Variants in TMEM163 observed in about 807,000 individuals in gnomAD.
TMEM163 encodes transmembrane protein 163.
Under a neutral mutation model 29.3 loss-of-function variants are expected in TMEM163, and 17 were observed. The observed-to-expected ratio is 0.58, with a 90% CI of 0.40 to 0.87. The LOEUF is 0.87. Among genes scored for constraint, TMEM163 ranks in the 40% least tolerant of loss-of-function variants. The pLI is 0.00. For synonymous variants in TMEM163, 157 were observed against 160.6 expected (o/e 0.98, Z 0.17); for missense variants, 303 against 381.5 (o/e 0.79, Z 1.71).
intron 4 of TMEM163, among the ~76,000 whole-genome samples, chr2:134,508,227 G>C (rs1159078180): frequency 6.6e-6 from 1 of 152,190 alleles, no homozygotes; most frequent in Non-Finnish European, 1.5e-5. Flanking sequence ...CCAAACAAGA[G>C]AAGCTTCTCC....
At chr2:134,689,992 G>A (rs764158321) in intron 2 of TMEM163, among the ~76,000 whole-genome samples, 1 of 152,104 alleles carries the variant, frequency 6.6e-6, no homozygotes, top group African/African-American at 2.4e-5. Context: ...ATGCAGTGGT[G>A]TGATCTCGGC....
At chr2:134,598,355 A>T (rs1682140575) in intron 2 of TMEM163, among the ~76,000 whole-genome samples, 1 of 152,214 alleles carries the variant, frequency 6.6e-6, no homozygotes, top group African/African-American at 2.4e-5. Context: ...TTATGGTAAT[A>T]ATAGTAGCTA....
intron 2 of TMEM163, among the ~76,000 whole-genome samples, chr2:134,690,128 G>A (rs576672416): frequency 1.3e-5 from 2 of 151,638 alleles, no homozygotes; most frequent in African/African-American, 4.8e-5. Context: ...ACAAGGTTTC[G>A]GCATGTTGGC....
chr2:134,562,983 CTT>C (rs1396111700), intron 2 of TMEM163, among the ~76,000 whole-genome samples: 3 of 152,198 alleles, frequency 2.0e-5, no homozygotes, highest in African/African-American at 7.2e-5. Context: ...AGAGCTTAGA[CTT>C]TTCCACAATT....
Position 134,616,262 on chromosome 2 carries a change from A to G in TMEM163, c.323-64171T>C, listed in dbSNP as rs965697350. ...TGAGAAAGTTAGCCAAAGCTTTAGCAGAAAAATACCTGGGGAAGCTTCACC... is the reference window on the plus strand; with the variant it reads ...TGAGAAAGTTAGCCAAAGCTTTAGCGGAAAAATACCTGGGGAAGCTTCACC... On this transcript the variant is annotated intron_variant, in intron 2 of 7. Transcript: ENST00000281924. Among the ~76,000 whole-genome samples, 3 of 152,342 alleles carry G rather than the reference A, an allele frequency of 2.0e-5. No homozygotes were observed. The South Asian group carries it at 6.2e-4, about 32-fold the overall frequency.
At chr2:134,485,144 A>G (rs928147879) in intron 5 of TMEM163, among the ~76,000 whole-genome samples, 1 of 152,214 alleles carries the variant, frequency 6.6e-6, no homozygotes, top group African/African-American at 2.4e-5. Context: ...AATACTGCAA[A>G]TTAAAAATGC....
chr2:134,655,034 GCTCTT>G, intron 2 of TMEM163, among the ~76,000 whole-genome samples: 1 of 105,002 alleles, frequency 9.5e-6, no homozygotes, highest in Non-Finnish European at 1.8e-5. Flanking sequence ...TCTTGGAGTT[GCTCTT>G]CTCGAGGAGT....
intron 4 of TMEM163, among the ~76,000 whole-genome samples, chr2:134,505,213 G>C (rs1195732149): frequency 2.0e-5 from 3 of 148,068 alleles, no homozygotes; most frequent in African/African-American, 7.5e-5. Flanking sequence ...AGCACTGAGA[G>C]CACATTGTAC....
chr2:134,601,768 G>A lies in TMEM163; in HGVS notation c.323-49677C>T, dbSNP rs959780541. Among the ~76,000 whole-genome samples the A allele has an allele frequency of 5.9e-5, 9 of 152,066 alleles. 1 individual carries two copies. Among genetic ancestry groups the A allele is most frequent in the South Asian group, 4.1e-4 (2 of 4,822 alleles). Reference sequence around the variant, plus strand: ...ATTCTTCTGAGATGGCAAACAATACGCATAATAAATAAACATATGGTACAT... The same window carrying A: ...ATTCTTCTGAGATGGCAAACAATACACATAATAAATAAACATATGGTACAT... On this transcript the variant is annotated intron_variant, in intron 2 of 7. Transcript: ENST00000281924.
At chr2:134,497,910 A>G (rs748951726) in intron 5 of TMEM163, among the ~76,000 whole-genome samples, 1 of 152,180 alleles carries the variant, frequency 6.6e-6, no homozygotes, top group African/African-American at 2.4e-5. Flanking sequence ...AGAAGCCACA[A>G]CTGGACATGT....
At chr2:134,634,845 T>C (rs977329353) in intron 2 of TMEM163, among the ~76,000 whole-genome samples, 6 of 152,258 alleles carry the variant, frequency 3.9e-5, no homozygotes, top group South Asian at 2.1e-4. Flanking sequence ...TTTGCTAACC[T>C]CTGCAATAAA....
chr2:134,647,753 C>T (rs1480937872), intron 2 of TMEM163, among the ~76,000 whole-genome samples: 1 of 152,218 alleles, frequency 6.6e-6, no homozygotes, highest in East Asian at 1.9e-4. Flanking sequence ...TAGCTGGCTG[C>T]TTCATTGCCA....
intron 2 of TMEM163, among the ~76,000 whole-genome samples, chr2:134,612,449 C>G (rs1682525107): frequency 6.6e-6 from 1 of 151,960 alleles, no homozygotes; most frequent in East Asian, 1.9e-4. Context: ...GCCCCAGTCT[C>G]TCATCCAGAG....
At chr2:134,516,031 C>T (rs1042907087) in intron 4 of TMEM163, among the ~76,000 whole-genome samples, 3 of 152,140 alleles carry the variant, frequency 2.0e-5, no homozygotes, top group Non-Finnish European at 2.9e-5. Flanking sequence ...GGTGCTGGGG[C>T]TCAGGTGTGC....
chr2:134,517,184 T>C (rs1273506509), intron 4 of TMEM163, among the ~76,000 whole-genome samples: 2 of 152,108 alleles, frequency 1.3e-5, no homozygotes, highest in African/African-American at 2.4e-5. Flanking sequence ...CTGATCAAGC[T>C]GGCCAAGTTC....
chr2:134,716,672 C>T (rs1389750479), intron 1 of TMEM163, among the ~76,000 whole-genome samples: 1 of 152,200 alleles, frequency 6.6e-6, no homozygotes, highest in Non-Finnish European at 1.5e-5. Flanking sequence ...AAAGAGGTAG[C>T]TGCACTCAAC....
chr2:134,573,332 G>A (rs1193219090), intron 2 of TMEM163, among the ~76,000 whole-genome samples: 1 of 152,178 alleles, frequency 6.6e-6, no homozygotes, highest in African/African-American at 2.4e-5. Context: ...TGGATAGAAG[G>A]GGCTCAGTCT....
chr2:134,589,604 C>T (rs931280375), intron 2 of TMEM163, among the ~76,000 whole-genome samples: 2 of 152,132 alleles, frequency 1.3e-5, no homozygotes, highest in African/African-American at 4.8e-5. Flanking sequence ...AGAGGAGGAA[C>T]CCTCAGTTCT....
intron 2 of TMEM163, among the ~76,000 whole-genome samples, chr2:134,611,704 T>C (rs1682506784): frequency 6.6e-6 from 1 of 152,190 alleles, no homozygotes; most frequent in Admixed American, 6.5e-5. Context: ...ACACATTTTC[T>C]TGTAATCCGG....
Sources: gnomAD v4.1 joint callset for allele counts (sites outside exome capture counted in the v4.1 genomes callset) on GRCh38, gnomAD v4.1.1 for gene constraint, MANE v1.5 for transcripts, NCBI Gene and HGNC (gene_info 2026-07-23, HGNC 2026-07-21) for gene names.